Variants in ZBTB20 observed in about 807,000 individuals in gnomAD.
ZBTB20 encodes zinc finger and BTB domain-containing protein 20.
ZBTB20 carries 9 observed loss-of-function variants against 56.9 expected under a neutral mutation model. The ratio of observed to expected loss-of-function variants is 0.16; its 90% CI spans 0.10 to 0.28. The LOEUF is 0.28. Ranked by LOEUF, ZBTB20 falls within the 10% of genes least tolerant of loss-of-function variation. The probability of loss-of-function intolerance (pLI) is 1.00; values close to 1 mark genes in which losing one functional copy is unlikely to be tolerated. For missense variants in ZBTB20, 655 were observed against 1,003.0 expected (o/e 0.65, Z 4.69); for synonymous variants, 417 against 420.7 (o/e 0.99, Z 0.11).
intron 1 of ZBTB20, among the ~76,000 whole-genome samples, chr3:115,126,567 T>C (rs935796229): frequency 6.6e-6 from 1 of 152,164 alleles, no homozygotes; most frequent in African/African-American, 2.4e-5. Flanking sequence ...GGGTGAATCT[T>C]AATATCTTAA....
chr3:114,398,720 T>G (rs1037879471), intron 7 of ZBTB20, among the ~76,000 whole-genome samples: 2 of 152,202 alleles, frequency 1.3e-5, no homozygotes, highest in African/African-American at 4.8e-5. Context: ...GGTAACTTGA[T>G]GAAAAGAAAA....
intron 5 of ZBTB20, among the ~76,000 whole-genome samples, chr3:114,799,181 C>A (rs113410016): frequency 0.011 from 1,612 of 151,982 alleles, 23 homozygotes; most frequent in African/African-American, 0.037. Flanking sequence ...GAAACAAAAT[C>A]TATAATATGG....
chr3:114,412,872 A>G (rs1414905247), intron 7 of ZBTB20, among the ~76,000 whole-genome samples: 1 of 152,152 alleles, frequency 6.6e-6, no homozygotes, highest in African/African-American at 2.4e-5. Flanking sequence ...ACGGAATCAC[A>G]TCTTTTTGTT....
intron 4 of ZBTB20, among the ~76,000 whole-genome samples, chr3:114,898,476 T>C (rs2107658288): frequency 6.6e-6 from 1 of 152,302 alleles, no homozygotes; most frequent in African/African-American, 2.4e-5. Context: ...TATTCTCATA[T>C]CTATGTAACT....
intron 2 of ZBTB20, among the ~76,000 whole-genome samples, chr3:114,981,570 T>C (rs1255107575): frequency 6.6e-6 from 1 of 152,038 alleles, no homozygotes; most frequent in Non-Finnish European, 1.5e-5. Context: ...TAACAGATAA[T>C]AGCAAATACA....
At chr3:114,934,958 G>T (rs190633567) in intron 3 of ZBTB20, among the ~76,000 whole-genome samples, 133 of 152,242 alleles carry the variant, frequency 8.7e-4, no homozygotes, top group African/African-American at 3.1e-3. Context: ...TTTGTAGAAT[G>T]TAAAATAGCT....
intron 2 of ZBTB20, among the ~76,000 whole-genome samples, chr3:114,996,477 G>A (rs1412853731): frequency 1.3e-5 from 2 of 151,784 alleles, no homozygotes; most frequent in Admixed American, 6.6e-5. Context: ...CTGTTCTTGT[G>A]TTAGTTTGCT....
At chr3:114,911,794 A>C (rs1587972) in intron 3 of ZBTB20, among the ~76,000 whole-genome samples, 128,474 of 151,720 alleles carry the variant, frequency 0.85, 55,749 homozygotes, top group East Asian at 0.99. Flanking sequence ...AGTGTACAAA[A>C]ATATGAATTA....
Position 114,561,375 on chromosome 3 carries a change from T to C in ZBTB20, c.-294-60984A>G, listed in dbSNP as rs554047112. ...CAATTTACTTTGCCTATGTCGATGA[T>C]AGAAATCACTATCTACGGTAGCTAT... is the stretch of plus-strand genomic sequence containing the variant. On this transcript the variant is annotated intron_variant, in intron 6 of 11. Transcript: ENST00000675478. Among the ~76,000 whole-genome samples the C allele has an allele frequency of 4.6e-5, 7 of 152,324 alleles. No homozygotes were observed. The East Asian group carries it at 5.8e-4, about 13-fold the overall frequency.
intron 7 of ZBTB20, among the ~76,000 whole-genome samples, chr3:114,417,185 C>T (rs1576663737): frequency 6.6e-6 from 1 of 152,048 alleles, no homozygotes; most frequent in African/African-American, 2.4e-5. Context: ...CTCAAAAACT[C>T]GTTTCAACTT....
At chr3:115,111,750 A>G (rs776727280) in intron 1 of ZBTB20, among the ~76,000 whole-genome samples, 3 of 152,220 alleles carry the variant, frequency 2.0e-5, no homozygotes, top group Non-Finnish European at 4.4e-5. Flanking sequence ...ATAATAAATT[A>G]GAGAAGTTTT....
chr3:115,018,999 G>T lies in ZBTB20; in HGVS notation c.-506-44583C>A, dbSNP rs201638966. ...GAAGTTGCTTGACAATTTTAATACA[G>T]TGTTAACTTTTCTCCCCTCCAGATT... On this transcript the variant is annotated intron_variant, in intron 2 of 11. Transcript: ENST00000675478. 5.3e-5 allele frequency among the ~76,000 whole-genome samples: 8 copies of T among 151,282 alleles called. No homozygotes were observed. The East Asian group carries it at 1.6e-3, about 30-fold the overall frequency.
intron 4 of ZBTB20, among the ~76,000 whole-genome samples, chr3:114,882,812 C>T (rs556047568): frequency 1.3e-5 from 2 of 152,148 alleles, no homozygotes; most frequent in South Asian, 2.1e-4. Context: ...TGCTATCAGT[C>T]GGTAAAGACA....
At chr3:115,052,470 A>C (rs998555220) in intron 2 of ZBTB20, among the ~76,000 whole-genome samples, 3 of 152,102 alleles carry the variant, frequency 2.0e-5, no homozygotes, top group African/African-American at 7.2e-5. Flanking sequence ...GAAAAAAAAA[A>C]AGTGACTAGA....
intron 1 of ZBTB20, among the ~76,000 whole-genome samples, chr3:115,131,050 C>T (rs2084490802): frequency 6.6e-6 from 1 of 152,130 alleles, no homozygotes; most frequent in South Asian, 2.1e-4. Flanking sequence ...AGTGAGACAC[C>T]GTGCCCGGCC....
intron 5 of ZBTB20, among the ~76,000 whole-genome samples, chr3:114,720,962 T>G (rs2064869244): frequency 6.6e-6 from 1 of 152,178 alleles, no homozygotes; most frequent in Non-Finnish European, 1.5e-5. Context: ...TGAACAAATC[T>G]AGTTATACTT....
At chr3:114,554,480 G>T (rs1488864863) in intron 6 of ZBTB20, among the ~76,000 whole-genome samples, 1 of 151,980 alleles carries the variant, frequency 6.6e-6, no homozygotes, top group Non-Finnish European at 1.5e-5. Context: ...AATACCTTGG[G>T]CAACACTGAG....
intron 2 of ZBTB20, among the ~76,000 whole-genome samples, chr3:114,986,301 C>A (rs1482802280): frequency 6.6e-6 from 1 of 152,054 alleles, no homozygotes; most frequent in Admixed American, 6.6e-5. Context: ...GCTTTCTCTG[C>A]ATATTTTATC....
At chr3:114,573,557 GA>G (rs1429074598) in intron 6 of ZBTB20, among the ~76,000 whole-genome samples, 11 of 128,110 alleles carry the variant, frequency 8.6e-5, no homozygotes, top group African/African-American at 2.9e-4. Context: ...AAAGAAAGAG[GA>G]AAAAAAGAAA....
Sources: gnomAD v4.1 joint callset for allele counts (sites outside exome capture counted in the v4.1 genomes callset) on GRCh38, gnomAD v4.1.1 for gene constraint, MANE v1.5 for transcripts, NCBI Gene and HGNC (gene_info 2026-07-23, HGNC 2026-07-21) for gene names.